The following ACSL4 variants were observed in gnomAD, a reference collection of about 807,000 sequenced individuals.
ACSL4 encodes long-chain-fatty-acid--CoA ligase 4.
In ACSL4, 9 loss-of-function variants were observed where a neutral mutation model predicts 49.1. The ratio of observed to expected loss-of-function variants is 0.18; its 90% CI spans 0.11 to 0.32. The LOEUF (loss-of-function observed/expected upper bound fraction) is 0.32, where lower values mean the gene tolerates loss of function less well. ACSL4 is among the 10% of genes least tolerant of loss of function. The pLI is 1.00. For missense variants in ACSL4, 333 were observed against 493.7 expected, an observed-to-expected ratio of 0.67 and a Z score of 3.08; for synonymous variants, 191 against 170.3, an observed-to-expected ratio of 1.12 and a Z score of -0.95.
At chrX:109,659,616 CTTAT>C (rs1258409632) in intron 14 of ACSL4, 105 bp from the exon 15 acceptor site, 5 of 529,536 alleles carry the variant, frequency 9.4e-6, no homozygotes, top group South Asian at 6.4e-5. Flanking sequence ...ATATATTTCT[CTTAT>C]TTATTAAAGT....
At chrX:109,653,722 G>A (rs1262148992) in intron 15 of ACSL4, among the ~76,000 whole-genome samples, 1 of 109,072 alleles carries the variant, frequency 9.2e-6, no homozygotes, top group African/African-American at 3.4e-5. Context: ...ACCAAACACC[G>A]CATGTTCTCA....
At chrX:109,674,053 TTCC>T (rs1923482125) in intron 9 of ACSL4, among the ~76,000 whole-genome samples, 1 of 111,694 alleles carries the variant, frequency 9.0e-6, no homozygotes, top group South Asian at 3.7e-4. Flanking sequence ...GGCCTAAAGT[TTCC>T]TCATTTTTTT....
At chrX:109,666,740 C>T (rs1922674635) in intron 11 of ACSL4, among the ~76,000 whole-genome samples, 1 of 111,644 alleles carries the variant, frequency 9.0e-6, no homozygotes, top group Non-Finnish European at 1.9e-5. Flanking sequence ...CATGGTAAAA[C>T]CCCGCTTCTA....
chrX:109,649,405 A>G (rs1490777759), intron 15 of ACSL4, among the ~76,000 whole-genome samples: 5 of 111,465 alleles, frequency 4.5e-5, no homozygotes, highest in African/African-American at 6.5e-5. Context: ...TGACAAACCT[A>G]AGAAAAACAA....
rs762932135 is a variant in ACSL4, at chrX:109,669,167, T to C, written c.1009A>G (p.Met337Val). 1 of 1,158,876 alleles carries C rather than the reference T, an allele frequency of 8.6e-7. No individual in the cohort carries two copies. The highest frequency in any genetic ancestry group is 1.2e-6 in the Non-Finnish European group (1 of 851,998). ...PTLMAAVPEIMDRIYKNVMSK... is the reference protein window; with the variant it reads ...PTLMAAVPEIVDRIYKNVMSK... The stretch of plus-strand genomic sequence containing the variant: ...ATAACATTCTTATAAATTCTATCCA[T>C]GATTTCCTGAAAGTTAAACAAAATA... Residue 337 changes from methionine to valine, a missense_variant, in exon 10 of 16, where the codon ATG becomes GTG. This residue lies in a region of ACSL4 where 175 missense variants were observed against 275.8 expected (regional missense o/e 0.63). Transcript: ENST00000672401.
chrX:109,688,137 A>G (rs1202120562), intron 2 of ACSL4, among the ~76,000 whole-genome samples: 1 of 112,015 alleles, frequency 8.9e-6, no homozygotes, highest in Non-Finnish European at 1.9e-5. Context: ...CCTCATCCAG[A>G]CTTATTCTCA....
At chrX:109,647,398 C>T (rs1310995601) in intron 15 of ACSL4, among the ~76,000 whole-genome samples, 1 of 111,890 alleles carries the variant, frequency 8.9e-6, no homozygotes, top group Non-Finnish European at 1.9e-5. Context: ...TACATGGAAA[C>T]TGAACAACCT....
chrX:109,674,486 A>G lies in ACSL4; in HGVS notation c.931-13T>C. On this transcript the variant is annotated splice_polypyrimidine_tract_variant and intron_variant, in intron 8 of 15. Transcript: ENST00000672401. Reference sequence around the variant, plus strand: ...TAATTTTGCTGGACTATATTAAAGAAAAAATAAATATGATCAGGAAAACCA... The same window carrying G: ...TAATTTTGCTGGACTATATTAAAGAGAAAATAAATATGATCAGGAAAACCA... 3 of 1,132,557 alleles carry G rather than the reference A, an allele frequency of 2.6e-6. No individual in the cohort carries two copies. The highest frequency in any genetic ancestry group is 3.6e-6 in the Non-Finnish European group (3 of 824,772). 93.3% of individuals were successfully genotyped at this position (1,132,557 alleles called of 1,213,427 possible).
chrX:109,646,565 T>A (rs1380305740), intron 15 of ACSL4, among the ~76,000 whole-genome samples: 20 of 109,149 alleles, frequency 1.8e-4, no homozygotes, highest in African/African-American at 6.7e-4. Context: ...CACTGCAAAA[T>A]CATGCCAAAA....
intron 1 of ACSL4, among the ~76,000 whole-genome samples, chrX:109,727,499 C>A (rs1278275565): frequency 1.8e-5 from 2 of 111,865 alleles, no homozygotes; most frequent in Non-Finnish European, 3.8e-5. Context: ...CACTTAACAA[C>A]AAAATCAACC....
intron 1 of ACSL4, among the ~76,000 whole-genome samples, chrX:109,719,787 A>T (rs959873752): frequency 9.0e-6 from 1 of 110,817 alleles, no homozygotes; most frequent in Non-Finnish European, 1.9e-5. Context: ...GGAGTTCGGG[A>T]GTTCGAGACC....
chrX:109,647,901 C>G (rs1402453777), intron 15 of ACSL4, among the ~76,000 whole-genome samples: 1 of 111,380 alleles, frequency 9.0e-6, no homozygotes, highest in South Asian at 3.8e-4. Context: ...AACACCTCTA[C>G]GCAAATAAAC....
At chrX:109,695,293 C>A (rs774376757) in intron 2 of ACSL4, among the ~76,000 whole-genome samples, 1 of 106,673 alleles carries the variant, frequency 9.4e-6, no homozygotes, top group Non-Finnish European at 1.9e-5. Flanking sequence ...TGCAGTGAGC[C>A]GAGATCACAC....
intron 1 of ACSL4, among the ~76,000 whole-genome samples, chrX:109,710,281 G>T (rs183308806): frequency 9.0e-5 from 10 of 111,588 alleles, no homozygotes; most frequent in African/African-American, 3.3e-4. Flanking sequence ...GAATGTATGG[G>T]TATATTAGCA....
intron 1 of ACSL4, among the ~76,000 whole-genome samples, chrX:109,697,720 G>T (rs754865786): frequency 3.2e-5 from 3 of 94,543 alleles, no homozygotes; most frequent in African/African-American, 7.5e-5. Flanking sequence ...TGGGGGGGGG[G>T]GCGCGGGGAA....
intron 15 of ACSL4, among the ~76,000 whole-genome samples, chrX:109,652,703 A>C (rs1285961301): frequency 1.8e-5 from 2 of 111,515 alleles, no homozygotes; most frequent in Non-Finnish European, 1.9e-5. Flanking sequence ...TTGAGAGCAA[A>C]TCAGGCTTTG....
At chrX:109,690,449 C>T (rs910144228) in intron 2 of ACSL4, among the ~76,000 whole-genome samples, 1 of 111,815 alleles carries the variant, frequency 8.9e-6, no homozygotes, top group African/African-American at 3.3e-5. Flanking sequence ...GCATTTACTA[C>T]AGGCTAGATA....
At chrX:109,685,303 T>G (rs1046260630) in intron 2 of ACSL4, 1 of 109,732 alleles carries the variant, frequency 9.1e-6, no homozygotes, top group African/African-American at 3.3e-5. Flanking sequence ...CCATTGTTGC[T>G]CAGGCTGTTC....
At chrX:109,665,328 G>A (rs755250311) in intron 12 of ACSL4, 92 bp downstream of exon 12, 80 of 811,237 alleles carry the variant, frequency 9.9e-5, no homozygotes, top group Non-Finnish European at 1.5e-4. Context: ...AGAATTATTT[G>A]CTTCCCCAGA....
Sources: gnomAD v4.1 joint callset for allele counts (sites outside exome capture counted in the v4.1 genomes callset) on GRCh38, gnomAD v4.1.1 for gene constraint, gnomAD v4.1.1 regional missense constraint, MANE v1.5 for transcripts, NCBI Gene and HGNC (gene_info 2026-07-23, HGNC 2026-07-21) for gene names.